The following RBFOX1 variants were observed in gnomAD, a reference collection of about 807,000 sequenced individuals.
The protein encoded by RBFOX1 is RNA binding protein fox-1 homolog 1.
RBFOX1 carries 8 observed loss-of-function variants against 57.7 expected under a neutral mutation model. The observed-to-expected ratio is 0.14, with a 90% CI of 0.08 to 0.25. The LOEUF (loss-of-function observed/expected upper bound fraction) is 0.25. RBFOX1 is among the 10% of genes least tolerant of loss of function. The pLI, the probability that RBFOX1 is intolerant of heterozygous loss-of-function variation, is 1.00. For synonymous variants in RBFOX1, 326 were observed against 222.4 expected, an observed-to-expected ratio of 1.47 and a Z score of -4.15; for missense variants, 611 against 548.5, an observed-to-expected ratio of 1.11 and a Z score of -1.14.
chr16:5,739,224 C>G (rs148981752), intron 3 of RBFOX1, among the ~76,000 whole-genome samples: 2 of 152,328 alleles, frequency 1.3e-5, no homozygotes, highest in Non-Finnish European at 2.9e-5. Context: ...GAAAAATAAA[C>G]TCATGATTGA....
At chr16:7,196,461 G>C (rs2086718293) in intron 4 of RBFOX1, among the ~76,000 whole-genome samples, 2 of 152,274 alleles carry the variant, frequency 1.3e-5, no homozygotes, top group South Asian at 4.1e-4. Flanking sequence ...TGATAGTGTA[G>C]GTACCCAAAG....
chr16:6,567,804 C>A (rs1201616454), intron 2 of RBFOX1, among the ~76,000 whole-genome samples: 1 of 152,072 alleles, frequency 6.6e-6, no homozygotes, highest in African/African-American at 2.4e-5. Flanking sequence ...GGACAAACCC[C>A]ACTATTTTTT....
Position 6,661,279 on chromosome 16 carries a change from G to A in RBFOX1, c.-16+6629G>A, listed in dbSNP as rs971226424. 3.2e-4 allele frequency among the ~76,000 whole-genome samples: 49 copies of A among 152,320 alleles called. 1 individual carries two copies. The highest frequency in any genetic ancestry group is 1.1e-3 in the African/African-American group (47 of 41,570). ...TCAGTGGGTTAGAAAGAGCTCCCAT[G>A]TGCCTAATTCCAGGCTCTGTCGGTC... On this transcript the variant is annotated intron_variant, in intron 3 of 15. Coordinates refer to ENST00000550418, the MANE Select transcript of RBFOX1 (RefSeq NM_018723.4).
chr16:6,369,204 A>T (rs2534746), intron 2 of RBFOX1, among the ~76,000 whole-genome samples: 90,885 of 151,986 alleles, frequency 0.6, 27,745 homozygotes, highest in African/African-American at 0.71. Context: ...GTATTAAGTA[A>T]TATACTGCTT....
intron 4 of RBFOX1, among the ~76,000 whole-genome samples, chr16:7,237,126 A>T (rs191072239): frequency 2.0e-5 from 3 of 152,282 alleles, no homozygotes; most frequent in Admixed American, 2.0e-4. Flanking sequence ...AGGGGCTGCA[A>T]TACAGCCGCC....
At chr16:5,603,566 C>T (rs964935680), downstream of RBFOX1, among the ~76,000 whole-genome samples, 3 of 152,178 alleles carry the variant, frequency 2.0e-5, no homozygotes, top group Non-Finnish European at 4.4e-5. Context: ...TACACCTGGT[C>T]AATTACTTGT....
chr16:6,673,067 A>C (rs1364033533), intron 3 of RBFOX1, among the ~76,000 whole-genome samples: 1 of 152,230 alleles, frequency 6.6e-6, no homozygotes, highest in East Asian at 1.9e-4. Context: ...AGTGCTTCTT[A>C]CCAGAGTTGG....
intron 3 of RBFOX1, among the ~76,000 whole-genome samples, chr16:5,689,337 T>A (rs1252790502): frequency 2.0e-5 from 3 of 152,202 alleles, no homozygotes; most frequent in Non-Finnish European, 4.4e-5. Context: ...CAGAGTTAGA[T>A]AACATATATG....
intron 14 of RBFOX1, among the ~76,000 whole-genome samples, chr16:7,701,037 T>A (rs1326968487): frequency 6.6e-6 from 1 of 152,100 alleles, no homozygotes; most frequent in Non-Finnish European, 1.5e-5. Context: ...TCTAAAAAGC[T>A]CAGATGTGTT....
chr16:7,107,787 T>G (rs2063876195), intron 4 of RBFOX1, among the ~76,000 whole-genome samples: 1 of 152,138 alleles, frequency 6.6e-6, no homozygotes, highest in Non-Finnish European at 1.5e-5. Context: ...TATTCTAATC[T>G]TTTTTCCATA....
At chr16:7,434,853 C>G (rs2098709817) in intron 4 of RBFOX1, among the ~76,000 whole-genome samples, 1 of 151,904 alleles carries the variant, frequency 6.6e-6, no homozygotes, top group African/African-American at 2.4e-5. Context: ...GATTCTCTAG[C>G]CTCAGCCTCC....
chr16:7,557,557 T>A (rs1601753284), intron 5 of RBFOX1, among the ~76,000 whole-genome samples: 2 of 140,148 alleles, frequency 1.4e-5, no homozygotes, highest in South Asian at 4.5e-4. Flanking sequence ...GAGGCAGAGG[T>A]TTCAGTGAGC....
intron 2 of RBFOX1, among the ~76,000 whole-genome samples, chr16:6,625,413 G>A (rs142841152): frequency 3.5e-4 from 53 of 152,282 alleles, no homozygotes; most frequent in African/African-American, 1.2e-3. Flanking sequence ...GGCATGTATA[G>A]GTGTCAAGTA....
intron 3 of RBFOX1, among the ~76,000 whole-genome samples, chr16:6,997,391 T>C (rs565061559): frequency 2.6e-5 from 4 of 152,282 alleles, no homozygotes; most frequent in East Asian, 1.9e-4. Flanking sequence ...GTTGAAAATA[T>C]GTTGAATTTC....
chr16:6,716,078 G>C (rs1048837053), intron 3 of RBFOX1, among the ~76,000 whole-genome samples: 1 of 152,110 alleles, frequency 6.6e-6, no homozygotes, highest in African/African-American at 2.4e-5. Flanking sequence ...TGATGGCCCT[G>C]GTGACAATAT....
chr16:7,595,183 T>C (rs889193328), intron 7 of RBFOX1, among the ~76,000 whole-genome samples: 1 of 152,202 alleles, frequency 6.6e-6, no homozygotes, highest in African/African-American at 2.4e-5. Flanking sequence ...GTCAAAAAAG[T>C]GGTTCCCTTT....
In RBFOX1 at chr16:6,501,992, G is replaced by A. The variant is rs1236665182; in HGVS notation, c.-63-152611G>A. Among the ~76,000 whole-genome samples the A allele has an allele frequency of 2.6e-5, 4 of 152,088 alleles. No individual in the cohort carries two copies. In the East Asian group the frequency reaches 7.7e-4, roughly 29 times the overall value. Reference sequence around the variant, plus strand: ...TTTTGTAAAGTTTACATTCTTCTAGGGATCGTGTGTCCTTGATTTGGAATG... The same window carrying A: ...TTTTGTAAAGTTTACATTCTTCTAGAGATCGTGTGTCCTTGATTTGGAATG... On this transcript the variant is annotated intron_variant, in intron 2 of 15. Coordinates refer to ENST00000550418, the MANE Select transcript of RBFOX1 (RefSeq NM_018723.4).
At chr16:6,273,802 C>T (rs2075497619) in intron 1 of RBFOX1, among the ~76,000 whole-genome samples, 1 of 152,030 alleles carries the variant, frequency 6.6e-6, no homozygotes, top group Non-Finnish European at 1.5e-5. Flanking sequence ...CTTTTGCAAG[C>T]CATGTATCTG....
rs187728917 is a variant in RBFOX1, at chr16:6,934,964, T to A, written c.-15-117093T>A. ...TTAGCTTGGCCTGGTGGCATTTGCC[T>A]GTGGTTCCAGCAAGTCGGGAGGCTG... On this transcript the variant is annotated intron_variant, in intron 3 of 15. Coordinates refer to ENST00000550418, the MANE Select transcript of RBFOX1 (RefSeq NM_018723.4). Among the ~76,000 whole-genome samples the A allele has an allele frequency of 1.9e-3, 285 of 152,132 alleles. 1 individual carries two copies. Among genetic ancestry groups the A allele is most frequent in the African/African-American group, 6.4e-3 (267 of 41,512 alleles).
Sources: gnomAD v4.1 joint callset for allele counts (sites outside exome capture counted in the v4.1 genomes callset) on GRCh38, gnomAD v4.1.1 for gene constraint, MANE v1.5 for transcripts, NCBI Gene and HGNC (gene_info 2026-07-23, HGNC 2026-07-21) for gene names.